The following SERPINB6 variants were observed in gnomAD, a reference collection of about 807,000 sequenced individuals.
The protein encoded by SERPINB6 is serpin family B member 6, also known as serpin B6.
In SERPINB6, 16 loss-of-function variants were observed where a neutral mutation model predicts 26.1. The observed-to-expected ratio is 0.61, with a 90% confidence interval of 0.42 to 0.93. The LOEUF (loss-of-function observed/expected upper bound fraction) is 0.93. SERPINB6 is among the 40% of genes least tolerant of loss of function. SERPINB6 has a pLI of 0.00. For synonymous variants in SERPINB6, 174 were observed against 176.6 expected (o/e 0.99, Z 0.11); for missense variants, 420 against 478.0 (o/e 0.88, Z 1.13).
In SERPINB6 at chr6:2,952,836, C is replaced by A. The variant is rs535752527; in HGVS notation, c.573+208G>T. Among the ~76,000 whole-genome samples, 338 of 152,322 alleles carry A rather than the reference C, an allele frequency of 2.2e-3. 1 individual carries two copies. The highest frequency in any genetic ancestry group is 7.6e-3 in the African/African-American group (315 of 41,572). ...CATATCTGGAGTCTGAGCTTTAAGA[C>A]CTTGATCGAGCCTGAGGGCTGCAGC... On this transcript the variant is annotated intron_variant, in intron 5 of 6. Transcript: ENST00000380539.
chr6:2,956,664 A>G (rs936369843), intron 2 of SERPINB6: 1 of 152,272 alleles, frequency 6.6e-6, no homozygotes, highest in Non-Finnish European at 1.5e-5. Context: ...TCTACTAAAA[A>G]TACAAAATTA....
chr6:2,951,290 G>A lies in SERPINB6; in HGVS notation c.573+1754C>T, dbSNP rs183090787. 1.5e-3 allele frequency among the ~76,000 whole-genome samples: 225 copies of A among 152,102 alleles called. 1 individual carries two copies. The highest frequency in any genetic ancestry group is 2.2e-3 in the Non-Finnish European group (151 of 68,008). On this transcript the variant is annotated intron_variant, in intron 5 of 6. Transcript: ENST00000380539. ...AATCCCAGCTACTCAAGAGGCCACGGCAGGAGAATCACCTGAACCCGGGAG... is the reference window on the plus strand; with the variant it reads ...AATCCCAGCTACTCAAGAGGCCACGACAGGAGAATCACCTGAACCCGGGAG...
rs1358331837 is a variant in SERPINB6, at chr6:2,967,869, T to C, written c.-11+3664A>G. 2.6e-5 allele frequency: 4 copies of C among 152,240 alleles called. No individual in the cohort carries two copies. Among genetic ancestry groups the C allele is most frequent in the Non-Finnish European group, 5.9e-5 (4 of 68,046 alleles). The allele number at this position is 152,240 out of a possible 1,614,324, so 9.4% of individuals were successfully genotyped here. A position where few individuals can be genotyped will look rare whatever the true frequency, so the allele number is the denominator to read the frequency against. ...TGGGTGTGTAAAACAGTTCAACCATTGGGGAAAGCAGTGTGGCGATTCCTC... is the reference window on the plus strand; with the variant it reads ...TGGGTGTGTAAAACAGTTCAACCATCGGGGAAAGCAGTGTGGCGATTCCTC... On this transcript the variant is annotated intron_variant, in intron 1 of 6. Transcript: ENST00000380539. This position sits in a 1 kb window ranked among gnomAD's most constrained non-coding sequence, Gnocchi z 4.3.
intron 1 of SERPINB6, among the ~76,000 whole-genome samples, chr6:2,964,157 C>G (rs547476246): frequency 3.9e-5 from 6 of 151,990 alleles, no homozygotes; most frequent in Admixed American, 2.6e-4. Context: ...AATTGGTACA[C>G]CAGTATTTCC....
At chr6:2,950,684 A>G (rs1428046103) in intron 5 of SERPINB6, among the ~76,000 whole-genome samples, 1 of 152,204 alleles carries the variant, frequency 6.6e-6, no homozygotes, top group Admixed American at 6.5e-5. Flanking sequence ...CAGCCAGCCA[A>G]TGAGAAAGAC....
chr6:2,971,027 T>C lies in SERPINB6; in HGVS notation c.-11+506A>G, dbSNP rs6938590. ...CTCTCTCCGCCTCCCGCCCGGCTCC[T>C]AACACCCGGCGCCCCAAGACTGAGC... On this transcript the variant is annotated intron_variant, in intron 1 of 6. Transcript: ENST00000380539. 1,009,944 of 1,208,224 alleles carry C rather than the reference T, an allele frequency of 0.84. 423,004 individuals carry two copies. Among genetic ancestry groups the C allele is most frequent in the East Asian group, 0.93 (28,241 of 30,254 alleles). 74.8% of individuals were successfully genotyped at this position (1,208,224 alleles called of 1,614,324 possible). A position where few individuals can be genotyped will look rare whatever the true frequency, so the allele number is the denominator to read the frequency against.
intron 1 of SERPINB6, chr6:2,962,311 C>T (rs1024057526): frequency 1.1e-5 from 8 of 737,840 alleles, no homozygotes; most frequent in African/African-American, 3.9e-5. Context: ...GCAGGATATT[C>T]GGAGGAGAAG....
intron 5 of SERPINB6, among the ~76,000 whole-genome samples, chr6:2,950,671 C>A (rs1173781583): frequency 6.6e-6 from 1 of 152,202 alleles, no homozygotes; most frequent in Non-Finnish European, 1.5e-5. Flanking sequence ...TGGTCACCAA[C>A]CCCAGCCAGC....
rs397516637 is a variant in SERPINB6, at chr6:2,954,679, G to C, written c.343C>G (p.Gln115Glu). ...AAGTCAAGCTCCTCCATCTCTGCTT[G>C]GTAGAATTTTTGGCAGGAATCTCTA... ...SFRDSCQKFY[Q>E]AEMEELDFIS... The change falls in exon 4 of 7, where the codon CAA becomes GAA. Residue 115 changes from glutamine (Q) to glutamate (E), a missense_variant. Gln to Glu is a conservative substitution (Grantham distance 29). Transcript: ENST00000380539. 1 of 1,613,852 alleles carries C rather than the reference G, an allele frequency of 6.2e-7. No homozygotes were observed. Among genetic ancestry groups the C allele is most frequent in the Non-Finnish European group, 8.5e-7 (1 of 1,179,954 alleles).
rs200158475 is a variant in SERPINB6 at position 2,955,188 on chromosome 6, TCAAAAAAAAAAAAA to T, written c.312+322_312+335del. 9.5e-4 allele frequency: 200 copies of T among 210,348 alleles called. 1 individual carries two copies. In the East Asian group the frequency reaches 0.019, roughly 20 times the overall value. The allele number at this position is 210,348 out of a possible 1,614,324, so 13.0% of individuals were successfully genotyped here. ...CTGGGCGACAGAGCGAGATTCTGTC[TCAAAAAAAAAAAAA>T]CAAAAAAAAAAAAGCAAAAAACACT... On this transcript the variant is annotated intron_variant, in intron 3 of 6. Coordinates refer to ENST00000380539, the MANE Select transcript of SERPINB6 (RefSeq NM_004568.6).
At chr6:2,949,616 C>T (rs910379573) in intron 5 of SERPINB6, among the ~76,000 whole-genome samples, 2 of 152,230 alleles carry the variant, frequency 1.3e-5, no homozygotes, top group African/African-American at 4.8e-5. Flanking sequence ...GAGAATATAA[C>T]AAAATCTGAC....
intron 1 of SERPINB6, chr6:2,969,453 T>C: frequency 3.1e-6 from 3 of 969,440 alleles, no homozygotes; most frequent in Non-Finnish European, 2.5e-6. Context: ...AAAATGATAT[T>C]TAATCACAGA....
At position 2,955,543 on chromosome 6, in the gene SERPINB6, T is replaced by C. The variant is rs774872271; in HGVS notation, c.293A>G (p.Lys98Arg). ...ACTTACTGAGAGGAAATCACAAGACTTTTCCCCAAAGAGCCTGTTGGCCAT... is the reference window on the plus strand; with the variant it reads ...ACTTACTGAGAGGAAATCACAAGACCTTTCCCCAAAGAGCCTGTTGGCCAT... ...LRMANRLFGE[K>R]SCDFLSSFRD... Residue 98 changes from lysine to arginine, a missense_variant, in exon 3 of 7, where the codon AAG becomes AGG. By Grantham distance (26) the Lys-to-Arg change is conservative (BLOSUM62 2). Transcript: ENST00000380539. The C allele has an allele frequency of 1.2e-5, 20 of 1,614,182 alleles. No homozygotes were observed. The highest frequency in any genetic ancestry group is 1.6e-5 in the Non-Finnish European group (19 of 1,180,012).
intron 1 of SERPINB6, chr6:2,968,945 G>A (rs950934433): frequency 3.5e-5 from 43 of 1,222,570 alleles, no homozygotes; most frequent in Non-Finnish European, 4.2e-5. Context: ...GCAGATGGGG[G>A]TCGGGGGGCT....
At chr6:2,970,420 T>A (rs1581288906) in intron 1 of SERPINB6, 1 of 1,048,076 alleles carries the variant, frequency 9.5e-7, no homozygotes. Context: ...ACGCCATCTA[T>A]GCTGATAACA....
chr6:2,958,561 T>C (rs1387108595), intron 2 of SERPINB6, among the ~76,000 whole-genome samples: 1 of 151,164 alleles, frequency 6.6e-6, no homozygotes, highest in Non-Finnish European at 1.5e-5. Context: ...AGGAAGCATG[T>C]GGAAGGCCCC....
At chr6:2,970,682 T>C (rs1772058430) in intron 1 of SERPINB6, 23 of 1,216,796 alleles carry the variant, frequency 1.9e-5, no homozygotes, top group Admixed American at 8.9e-5. Context: ...ACATTAATTA[T>C]TAATTTTCTG....
intron 1 of SERPINB6, chr6:2,959,553 G>A (rs1009765629): frequency 4.2e-5 from 25 of 589,244 alleles, no homozygotes; most frequent in Middle Eastern, 4.6e-4. Context: ...TATGTGAAAC[G>A]CCGCCCTGTT....
Position 2,971,548 on chromosome 6 carries a change from G to A in SERPINB6, c.-26C>T, listed in dbSNP as rs1394059992. On this transcript the variant is annotated 5_prime_UTR_variant, in exon 1 of 7. Transcript: ENST00000380539. ...AGACACGTACTCCAGAGCGGGGAGC[G>A]AGCGAGCAGAACGGCGGGCAGAGGC... 2 of 152,266 alleles carry A rather than the reference G, an allele frequency of 1.3e-5. No homozygotes were observed. The highest frequency in any genetic ancestry group is 2.9e-5 in the Non-Finnish European group (2 of 68,086). The allele number at this position is 152,266 out of a possible 1,614,324, so 9.4% of individuals were successfully genotyped here. A position where few individuals can be genotyped will look rare whatever the true frequency, so the allele number is the denominator to read the frequency against.
Sources: gnomAD v4.1 joint callset for allele counts (sites outside exome capture counted in the v4.1 genomes callset) on GRCh38, gnomAD v4.1.1 for gene constraint, Gnocchi (gnomAD v3.1) non-coding constraint, MANE v1.5 for transcripts, NCBI Gene and HGNC (gene_info 2026-07-23, HGNC 2026-07-21) for gene names.